KCTD16: variants seen among roughly 807,000 people sequenced by gnomAD.
KCTD16 encodes BTB/POZ domain-containing protein KCTD16.
A neutral mutation model predicts 33.2 loss-of-function variants in KCTD16; 13 were observed. The observed-to-expected ratio is 0.39, with a 90% CI of 0.25 to 0.62. The LOEUF is 0.62. Among genes scored for constraint, KCTD16 ranks in the 20% least tolerant of loss-of-function variants. KCTD16 has a pLI of 0.50. For missense variants in KCTD16, 441 were observed against 525.1 expected, an observed-to-expected ratio of 0.84 and a Z score of 1.57; for synonymous variants, 197 against 195.3, an observed-to-expected ratio of 1.01 and a Z score of -0.07.
At chr5:144,200,936 C>T (rs1030221397) in intron 2 of KCTD16, among the ~76,000 whole-genome samples, 2 of 152,180 alleles carry the variant, frequency 1.3e-5, no homozygotes, top group Admixed American at 1.3e-4. Context: ...TTTGTAGAGA[C>T]AGGGTCTTGC....
chr5:144,190,320 G>C (rs938471876), intron 2 of KCTD16, among the ~76,000 whole-genome samples: 2 of 152,130 alleles, frequency 1.3e-5, no homozygotes, highest in African/African-American at 2.4e-5. Flanking sequence ...TCAAATCCAC[G>C]TTCTGTACAT....
At chr5:144,375,842 G>T (rs995414764) in intron 3 of KCTD16, among the ~76,000 whole-genome samples, 9 of 150,930 alleles carry the variant, frequency 6.0e-5, no homozygotes, top group African/African-American at 1.9e-4. Flanking sequence ...TTTTTGTCTC[G>T]CTCTGTTGCC....
At chr5:144,285,843 C>T (rs1018975491) in intron 3 of KCTD16, among the ~76,000 whole-genome samples, 1 of 151,994 alleles carries the variant, frequency 6.6e-6, no homozygotes, top group African/African-American at 2.4e-5. Flanking sequence ...CAGTTTTCAC[C>T]CATTTTTCCA....
intron 3 of KCTD16, among the ~76,000 whole-genome samples, chr5:144,255,549 A>G (rs1754822000): frequency 6.6e-6 from 1 of 152,136 alleles, no homozygotes; most frequent in African/African-American, 2.4e-5. Context: ...ATGTCTCACT[A>G]TGGTTTTTAT....
At chr5:144,243,233 CTTGA>C (rs961937468) in intron 3 of KCTD16, among the ~76,000 whole-genome samples, 3 of 152,096 alleles carry the variant, frequency 2.0e-5, no homozygotes, top group African/African-American at 4.8e-5. Flanking sequence ...TGATGTGGAT[CTTGA>C]TTATTTGATT....
chr5:144,452,283 A>G (rs1276129688), intron 3 of KCTD16, among the ~76,000 whole-genome samples: 1 of 151,824 alleles, frequency 6.6e-6, no homozygotes, highest in African/African-American at 2.4e-5. Context: ...TGAACATACT[A>G]TGTAAAATTT....
At chr5:144,341,716 T>G (rs1381715918) in intron 3 of KCTD16, among the ~76,000 whole-genome samples, 1 of 152,228 alleles carries the variant, frequency 6.6e-6, no homozygotes, top group Non-Finnish European at 1.5e-5. Flanking sequence ...TGGCTCATAT[T>G]TTATCAGCCA....
intron 3 of KCTD16, among the ~76,000 whole-genome samples, chr5:144,292,225 C>T (rs934561760): frequency 1.3e-5 from 2 of 152,146 alleles, no homozygotes; most frequent in Non-Finnish European, 2.9e-5. Context: ...TCCTGCAAAC[C>T]CAGTTCAGGG....
intron 3 of KCTD16, among the ~76,000 whole-genome samples, chr5:144,443,687 T>A (rs1244364841): frequency 5.9e-5 from 9 of 152,102 alleles, no homozygotes; most frequent in Non-Finnish European, 4.4e-5. Flanking sequence ...TTTAAACATA[T>A]TTGATGGCTT....
chr5:144,216,913 G>A (rs1753581962), intron 3 of KCTD16, among the ~76,000 whole-genome samples: 1 of 152,026 alleles, frequency 6.6e-6, no homozygotes, highest in African/African-American at 2.4e-5. Flanking sequence ...CAACATTGTG[G>A]ACTGTCCAGG....
intron 3 of KCTD16, among the ~76,000 whole-genome samples, chr5:144,295,061 C>G (rs888102524): frequency 6.6e-6 from 1 of 152,148 alleles, no homozygotes; most frequent in African/African-American, 2.4e-5. Context: ...TGGTCTTTGA[C>G]TTGATGGCGC....
intron 2 of KCTD16, among the ~76,000 whole-genome samples, chr5:144,184,370 C>A (rs373825159): frequency 6.6e-6 from 1 of 152,260 alleles, no homozygotes; most frequent in South Asian, 2.1e-4. Flanking sequence ...CAAGGTTCGT[C>A]CATGTTAAAG....
At chr5:144,425,682 C>T (rs932845073) in intron 3 of KCTD16, among the ~76,000 whole-genome samples, 1 of 151,960 alleles carries the variant, frequency 6.6e-6, no homozygotes, top group African/African-American at 2.4e-5. Context: ...GCATGTACCA[C>T]GCCTGGACTC....
intron 2 of KCTD16, among the ~76,000 whole-genome samples, chr5:144,189,504 A>G (rs1334166213): frequency 1.3e-5 from 2 of 151,980 alleles, no homozygotes; most frequent in African/African-American, 4.8e-5. Flanking sequence ...TCAAAAAAAA[A>G]AAAAAAGAAA....
intron 3 of KCTD16, among the ~76,000 whole-genome samples, chr5:144,359,340 G>A (rs1302192046): frequency 6.6e-6 from 1 of 152,132 alleles, no homozygotes; most frequent in Non-Finnish European, 1.5e-5. Flanking sequence ...AAACTCTTCA[G>A]TGGAGCCAAA....
At chr5:144,199,799 C>T (rs1453242018) in intron 2 of KCTD16, among the ~76,000 whole-genome samples, 2 of 134,352 alleles carry the variant, frequency 1.5e-5, no homozygotes, top group African/African-American at 2.8e-5. Flanking sequence ...TCATTGCAAT[C>T]TCCGCCTTCC....
chr5:144,172,267 ATTTGT>A lies in KCTD16; in HGVS notation c.-493+1262_-493+1266del, dbSNP rs537597834. ...GAGGTTTTTACCCATTAGCGAATTT[ATTTGT>A]TTTATTTTTGTGGATACATCATAGT... On this transcript the variant is annotated intron_variant, in intron 1 of 3. Coordinates refer to ENST00000512467, the MANE Select transcript of KCTD16 (RefSeq NM_020768.4). Among the ~76,000 whole-genome samples the A allele has an allele frequency of 2.9e-3, 441 of 152,242 alleles. 3 individuals carry two copies. The highest frequency in any genetic ancestry group is 8.2e-3 in the Admixed American group (126 of 15,296).
intron 3 of KCTD16, among the ~76,000 whole-genome samples, chr5:144,353,180 G>A (rs565245050): frequency 2.9e-4 from 44 of 152,318 alleles, no homozygotes; most frequent in African/African-American, 1.0e-3. Flanking sequence ...GGGGGAAGTA[G>A]GGCCTCATGA....
rs188607664 is a variant in KCTD16, at chr5:144,206,548, C to T, written c.-167C>T. On this transcript the variant is annotated 5_prime_UTR_variant, in exon 3 of 4. Coordinates refer to ENST00000512467, the MANE Select transcript of KCTD16 (RefSeq NM_020768.4). ...TTCAGCATCACTTCACCTGTGGACT[C>T]TTATACATTTTGATTTCTTGGGGGA... 1 of 632,424 alleles carries T rather than the reference C, an allele frequency of 1.6e-6. No homozygotes were observed. The highest frequency in any genetic ancestry group is 3.0e-5 in the Admixed American group (1 of 33,672). The allele number at this position is 632,424 out of a possible 1,614,324, so 39.2% of individuals were successfully genotyped here. A position where few individuals can be genotyped will look rare whatever the true frequency, so the allele number is the denominator to read the frequency against.
Sources: allele counts gnomAD v4.1 joint callset (sites outside exome capture counted in the v4.1 genomes callset), GRCh38; gene constraint gnomAD v4.1.1; transcripts MANE v1.5; gene names NCBI Gene and HGNC (gene_info 2026-07-23, HGNC 2026-07-21).